PRKCB: variants seen among roughly 807,000 people sequenced by gnomAD.
PRKCB encodes the protein protein kinase C beta type.
PRKCB carries 13 observed loss-of-function variants against 81.5 expected under a neutral mutation model. That is an observed-to-expected ratio of 0.16 (90% confidence interval 0.10 to 0.25). The LOEUF (loss-of-function observed/expected upper bound fraction) is 0.25. Among genes scored for constraint, PRKCB ranks in the 10% least tolerant of loss-of-function variants. The pLI, the probability that PRKCB is intolerant of heterozygous loss-of-function variation, is 1.00. For synonymous variants in PRKCB, 335 were observed against 321.4 expected (o/e 1.04, Z -0.45); for missense variants, 509 against 875.7 (o/e 0.58, Z 5.29).
chr16:24,159,695 GA>G (rs1330735006), intron 10 of PRKCB, among the ~76,000 whole-genome samples: 1 of 152,082 alleles, frequency 6.6e-6, no homozygotes, highest in African/African-American at 2.4e-5. Context: ...TTGGCTTATA[GA>G]ATATTTTCAC....
At chr16:23,997,385 C>G (rs1312595167) in intron 3 of PRKCB, among the ~76,000 whole-genome samples, 1 of 152,134 alleles carries the variant, frequency 6.6e-6, no homozygotes, top group Non-Finnish European at 1.5e-5. Flanking sequence ...TGGCCCAGAC[C>G]CTTTAAGAAT....
At chr16:23,923,261 C>T (rs776502532) in intron 2 of PRKCB, among the ~76,000 whole-genome samples, 1 of 152,052 alleles carries the variant, frequency 6.6e-6, no homozygotes, top group Non-Finnish European at 1.5e-5. Flanking sequence ...GTTTCCAGGA[C>T]ATGGTTTCCT....
At chr16:24,032,715 T>C (rs111545268) in intron 4 of PRKCB, among the ~76,000 whole-genome samples, 2,744 of 152,186 alleles carry the variant, frequency 0.018, 70 homozygotes, top group African/African-American at 0.051. Flanking sequence ...GTCCTGAGTT[T>C]CTTAGGAGGG....
chr16:24,111,631 GA>G (rs925901828), intron 7 of PRKCB, among the ~76,000 whole-genome samples: 3 of 100,814 alleles, frequency 3.0e-5, no homozygotes, highest in Non-Finnish European at 7.2e-5. Flanking sequence ...TGCCAGAAAA[GA>G]AAAAAAAGAA....
At chr16:23,892,789 G>A (rs999411744) in intron 2 of PRKCB, among the ~76,000 whole-genome samples, 17 of 152,132 alleles carry the variant, frequency 1.1e-4, no homozygotes, top group Non-Finnish European at 1.8e-4. Flanking sequence ...TTTGGTTCAG[G>A]AAGGGAAAGT....
At chr16:23,932,492 A>G (rs527518238) in intron 2 of PRKCB, among the ~76,000 whole-genome samples, 1 of 152,358 alleles carries the variant, frequency 6.6e-6, no homozygotes, top group South Asian at 2.1e-4. Context: ...GTGACCCAGC[A>G]TTCCTGCTGA....
chr16:23,886,088 G>T (rs755298652), intron 2 of PRKCB, among the ~76,000 whole-genome samples: 71 of 152,168 alleles, frequency 4.7e-4, no homozygotes, highest in Non-Finnish European at 9.4e-4. Flanking sequence ...AGAAACTGAG[G>T]TCCTAAGAGG....
Position 24,219,591 on chromosome 16 carries a change from A to G in PRKCB, c.*4775A>G. 9.9e-7 allele frequency: 1 copy of G among 1,008,424 alleles called. No individual in the cohort carries two copies. Among genetic ancestry groups the G allele is most frequent in the Non-Finnish European group, 1.2e-6 (1 of 844,656 alleles). 62.5% of individuals were successfully genotyped at this position (1,008,424 alleles called of 1,614,324 possible). ...CGCTCTACCTAATGATTATTTCTAT[A>G]ACATTAAGCATGGTAATAAGTAGCT... On this transcript the variant is annotated 3_prime_UTR_variant, in exon 17 of 17. Transcript: ENST00000643927.
chr16:24,062,592 C>T (rs922844325), intron 5 of PRKCB, among the ~76,000 whole-genome samples: 1 of 152,120 alleles, frequency 6.6e-6, no homozygotes, highest in East Asian at 1.9e-4. Flanking sequence ...AACTGAGAAC[C>T]AGAGAGGTTG....
At position 24,211,291 on chromosome 16, in the gene PRKCB, TA is replaced by T. The variant is rs568892360; in HGVS notation, c.1864-3366del. Among the ~76,000 whole-genome samples, 168 of 152,322 alleles carry T rather than the reference TA, an allele frequency of 1.1e-3. 2 individuals carry two copies. Among genetic ancestry groups the T allele is most frequent in the African/African-American group, 4.0e-3 (166 of 41,586 alleles). On this transcript the variant is annotated intron_variant, in intron 16 of 16. Coordinates refer to ENST00000643927, the MANE Select transcript of PRKCB (RefSeq NM_002738.7). The stretch of plus-strand genomic sequence containing the variant: ...TAAACACCATGCAAATGCCCTATTA[TA>T]GGAAACATACGCTGTCTGTCTGTAG...
At chr16:24,187,032 G>A (rs117753813) in intron 15 of PRKCB, among the ~76,000 whole-genome samples, 3,830 of 152,144 alleles carry the variant, frequency 0.025, 68 homozygotes, top group African/African-American at 0.037. Context: ...ACACACGAAG[G>A]CCTCCACAGG....
chr16:23,854,979 A>G (rs1962539164), intron 2 of PRKCB, among the ~76,000 whole-genome samples: 1 of 152,164 alleles, frequency 6.6e-6, no homozygotes, highest in Non-Finnish European at 1.5e-5. Flanking sequence ...TGCAAAGGAT[A>G]CGGCCAGGAC....
Position 24,172,374 on chromosome 16 carries a change from T to C in PRKCB, c.1331+13T>C. 1.9e-6 allele frequency: 3 copies of C among 1,610,470 alleles called. No individual in the cohort carries two copies. Among genetic ancestry groups the C allele is most frequent in the South Asian group, 2.2e-5 (2 of 90,624 alleles). On this transcript the variant is annotated intron_variant, in intron 11 of 16. Coordinates refer to ENST00000643927, the MANE Select transcript of PRKCB (RefSeq NM_002738.7). ...AGCCCCATGCTGTGTAAGTGAGAAC[T>C]AGTGCTGTGCTTTCTCCTTGGGATA...
intron 2 of PRKCB, among the ~76,000 whole-genome samples, chr16:23,918,834 G>GA (rs893937854): frequency 7.3e-5 from 11 of 151,616 alleles, no homozygotes; most frequent in Admixed American, 1.3e-4. Context: ...GGCTATAAAT[G>GA]AAAAAAAATA....
chr16:24,202,617 A>C (rs1321294319), intron 16 of PRKCB, among the ~76,000 whole-genome samples: 3 of 152,196 alleles, frequency 2.0e-5, no homozygotes, highest in Non-Finnish European at 4.4e-5. Context: ...CATTGCAACC[A>C]GGTTCTTGTG....
At position 24,077,482 on chromosome 16, in the gene PRKCB, CAT is replaced by C. The variant is rs1488258141; in HGVS notation, c.530-15308_530-15307del. Among the ~76,000 whole-genome samples, 180 of 147,600 alleles carry C rather than the reference CAT, an allele frequency of 1.2e-3. 1 individual carries two copies. The highest frequency in any genetic ancestry group is 4.2e-3 in the African/African-American group (168 of 40,174). ...CCATCCATCCATCCACACATGCATTCATCTCTCCATCCATCCATCCATCCATC... is the reference window on the plus strand; with the variant it reads ...CCATCCATCCATCCACACATGCATTCCTCTCCATCCATCCATCCATCCATC... On this transcript the variant is annotated intron_variant, in intron 5 of 16. Coordinates refer to ENST00000643927, the MANE Select transcript of PRKCB (RefSeq NM_002738.7).
At chr16:24,168,408 G>A (rs1217699281) in intron 10 of PRKCB, among the ~76,000 whole-genome samples, 3 of 152,034 alleles carry the variant, frequency 2.0e-5, no homozygotes. Flanking sequence ...CACCTTTTAC[G>A]TTGTGACTCA....
At chr16:24,104,688 G>A (rs1302069680) in intron 7 of PRKCB, among the ~76,000 whole-genome samples, 1 of 152,176 alleles carries the variant, frequency 6.6e-6, no homozygotes, top group Non-Finnish European at 1.5e-5. Flanking sequence ...TATCTAGGGA[G>A]AGGTTGTCTT....
intron 5 of PRKCB, among the ~76,000 whole-genome samples, chr16:24,036,821 A>G (rs1399760203): frequency 6.6e-6 from 1 of 152,152 alleles, no homozygotes; most frequent in African/African-American, 2.4e-5. Context: ...GAGGTTCCCG[A>G]TGCTGGTGAG....
Sources: gnomAD v4.1 joint callset for allele counts (sites outside exome capture counted in the v4.1 genomes callset) on GRCh38, gnomAD v4.1.1 for gene constraint, MANE v1.5 for transcripts, NCBI Gene and HGNC (gene_info 2026-07-23, HGNC 2026-07-21) for gene names.